Variants in EXOC3L2 observed in about 807,000 individuals in gnomAD.
The protein encoded by EXOC3L2 is exocyst complex component 3-like protein 2.
EXOC3L2 carries 17 observed loss-of-function variants against 44.4 expected under a neutral mutation model. That is an observed-to-expected ratio of 0.38 (90% CI 0.26 to 0.57). EXOC3L2 has a LOEUF of 0.57. Ranked by LOEUF, EXOC3L2 falls within the 20% of genes least tolerant of loss-of-function variation. EXOC3L2 has a pLI of 0.65. For missense variants in EXOC3L2, 541 were observed against 588.4 expected, an observed-to-expected ratio of 0.92 and a Z score of 0.83; for synonymous variants, 256 against 253.7, an observed-to-expected ratio of 1.01 and a Z score of -0.09.
chr19:45,213,442 C>T, intron 11 of EXOC3L2, 85 bp from the exon 12 acceptor site: 1 of 1,524,828 alleles, frequency 6.6e-7, no homozygotes, highest in East Asian at 2.3e-5. Context: ...ACCTGACCCC[C>T]TCACCTATCC....
At chr19:45,219,624 T>C (rs1340308054) in intron 8 of EXOC3L2, among the ~76,000 whole-genome samples, 9 of 152,178 alleles carry the variant, frequency 5.9e-5, no homozygotes, top group African/African-American at 2.2e-4. Context: ...TCTCCACCCT[T>C]GAGTAGATCC....
At position 45,228,084 on chromosome 19, in the gene EXOC3L2, C is replaced by T. The variant is rs370550648; in HGVS notation, c.1372-10G>A. Reference sequence around the variant, plus strand: ...TGTGCTCTTCCAGCAGCTGTGAGGTCCAGGGCGACAAGAAGAGGTGAGGAG... The same window carrying T: ...TGTGCTCTTCCAGCAGCTGTGAGGTTCAGGGCGACAAGAAGAGGTGAGGAG... On this transcript the variant is annotated splice_polypyrimidine_tract_variant and intron_variant, in intron 5 of 11. Coordinates refer to ENST00000413988, the MANE Select transcript of EXOC3L2 (RefSeq NM_001382422.1). 1.2e-6 allele frequency: 2 copies of T among 1,614,064 alleles called. No homozygotes were observed. The highest frequency in any genetic ancestry group is 1.3e-5 in the African/African-American group (1 of 75,018).
chr19:45,235,969 T>C (rs945348400), intron 2 of EXOC3L2, among the ~76,000 whole-genome samples: 1 of 151,274 alleles, frequency 6.6e-6, no homozygotes, highest in African/African-American at 2.4e-5. Flanking sequence ...AAGATGGGGA[T>C]TGGGACACGG....
At chr19:45,225,288 A>ATTT (rs1568481614) in intron 7 of EXOC3L2, among the ~76,000 whole-genome samples, 5 of 143,324 alleles carry the variant, frequency 3.5e-5, no homozygotes, top group African/African-American at 7.7e-5. Flanking sequence ...TTTTTTTTTG[A>ATTT]GACGGAGTCT....
rs768632277 is a variant in EXOC3L2 at position 45,213,082 on chromosome 19, C to T, written c.2396G>A (p.Arg799Gln). Residue 799 changes from arginine to glutamine, a missense_variant, in exon 12 of 12, where the codon CGG becomes CAG. Transcript: ENST00000413988. ...GTTGGGTGACCCTCAGCGCTGGGCC[C>T]GAGGTCGCGCTAGAGACGGAGGCCG... Reference protein sequence around the residue: ...RPRPPSLARPRAQR With the variant: ...RPRPPSLARPQAQR 9.0e-5 allele frequency: 136 copies of T among 1,503,516 alleles called. No individual in the cohort carries two copies. Among genetic ancestry groups the T allele is most frequent in the Admixed American group, 2.0e-4 (8 of 40,098 alleles). The allele number at this position is 1,503,516 out of a possible 1,614,324, so 93.1% of individuals were successfully genotyped here. A position where few individuals can be genotyped will look rare whatever the true frequency, so the allele number is the denominator to read the frequency against.
At chr19:45,236,641 G>A (rs539471344) in intron 2 of EXOC3L2, among the ~76,000 whole-genome samples, 6 of 151,910 alleles carry the variant, frequency 3.9e-5, no homozygotes, top group African/African-American at 1.2e-4. Context: ...AGGAGGTTGC[G>A]TTTGGAGTTG....
At chr19:45,225,888 G>A (rs1255595695) in intron 7 of EXOC3L2, among the ~76,000 whole-genome samples, 1 of 152,142 alleles carries the variant, frequency 6.6e-6, no homozygotes, top group Non-Finnish European at 1.5e-5. Context: ...CTCCCAAAGT[G>A]TGGGATTATA....
intron 9 of EXOC3L2, 36 bp downstream of exon 9, chr19:45,218,161 C>T: frequency 3.7e-6 from 3 of 807,078 alleles, no homozygotes; most frequent in Non-Finnish European, 3.5e-6. Context: ...CCTCTTTTCC[C>T]CCACCCCCAC....
At chr19:45,240,444 G>A (rs968614981) in intron 1 of EXOC3L2, among the ~76,000 whole-genome samples, 6 of 152,014 alleles carry the variant, frequency 3.9e-5, no homozygotes, top group African/African-American at 1.4e-4. Flanking sequence ...AGACAGAAAG[G>A]AGACTGACAA....
At chr19:45,232,782 A>G (rs957332613) in intron 3 of EXOC3L2, among the ~76,000 whole-genome samples, 6 of 152,210 alleles carry the variant, frequency 3.9e-5, no homozygotes, top group African/African-American at 1.4e-4. Context: ...AACAGCACTC[A>G]AGTCCTAAAA....
At chr19:45,213,582 C>T (rs1969802127) in intron 11 of EXOC3L2, among the ~76,000 whole-genome samples, 1 of 152,086 alleles carries the variant, frequency 6.6e-6, no homozygotes, top group Non-Finnish European at 1.5e-5. Flanking sequence ...TCCAAATCCC[C>T]CTTACAACCA....
chr19:45,243,867 A>G (rs761550760), intron 1 of EXOC3L2, among the ~76,000 whole-genome samples: 1 of 151,494 alleles, frequency 6.6e-6, no homozygotes, highest in Non-Finnish European at 1.5e-5. Context: ...TGACCTTGTG[A>G]TCCGCCTGTT....
At chr19:45,216,724 C>T (rs1309715880) in intron 10 of EXOC3L2, 1 of 152,604 alleles carries the variant, frequency 6.6e-6, no homozygotes, top group African/African-American at 2.4e-5. Flanking sequence ...ACCTCTTCCA[C>T]GTCTGCAAAA....
Position 45,231,958 on chromosome 19 carries a change from G to A in EXOC3L2, c.1158-84C>T, listed in dbSNP as rs1314595339. The A allele has an allele frequency of 3.0e-5, 24 of 800,738 alleles. 2 individuals are homozygous for A. The South Asian group carries it at 5.0e-4, about 17-fold the overall frequency. The allele number at this position is 800,738 out of a possible 1,614,324, so 49.6% of individuals were successfully genotyped here. A position where few individuals can be genotyped will look rare whatever the true frequency, so the allele number is the denominator to read the frequency against. ...CCTTCCCCACACCCTCCTACCCACTGTTTCTGTGACCCTGGGCCACTCCCT... is the reference window on the plus strand; with the variant it reads ...CCTTCCCCACACCCTCCTACCCACTATTTCTGTGACCCTGGGCCACTCCCT... On this transcript the variant is annotated intron_variant, in intron 3 of 11. Coordinates refer to ENST00000413988, the MANE Select transcript of EXOC3L2 (RefSeq NM_001382422.1).
chr19:45,227,311 C>T (rs1051333432), intron 7 of EXOC3L2, among the ~76,000 whole-genome samples: 3 of 151,162 alleles, frequency 2.0e-5, no homozygotes, highest in African/African-American at 2.4e-5. Context: ...TTAGTAGAGA[C>T]GGGGTTTCAC....
At chr19:45,222,389 C>T (rs528829457) in intron 8 of EXOC3L2, among the ~76,000 whole-genome samples, 4 of 151,888 alleles carry the variant, frequency 2.6e-5, no homozygotes, top group Admixed American at 6.6e-5. Context: ...TTAGTAGAGA[C>T]GGGGTTTCAC....
rs182074053 is a variant in EXOC3L2, at chr19:45,234,130, A to C, written c.1157+63T>G. ...TCCCAAGGTCCTTAAGGTCTGAAGA[A>C]GCCAGTGCTAGGGGGTAGGGCTGAG... is the stretch of plus-strand genomic sequence containing the variant. On this transcript the variant is annotated intron_variant, in intron 3 of 11. Transcript: ENST00000413988. The surrounding 1 kb of genome is among the most constrained non-coding windows in gnomAD (Gnocchi z 5.0). The C allele has an allele frequency of 9.7e-4, 373 of 383,090 alleles. 1 individual carries two copies. Among genetic ancestry groups the C allele is most frequent in the Non-Finnish European group, 1.4e-3 (303 of 215,820 alleles). The allele number at this position is 383,090 out of a possible 1,614,324, so 23.7% of individuals were successfully genotyped here.
chr19:45,213,277 C>T lies in EXOC3L2; in HGVS notation c.2201G>A (p.Arg734Gln), dbSNP rs1328637962. The T allele has an allele frequency of 5.0e-6, 8 of 1,613,518 alleles. No homozygotes were observed. The highest frequency in any genetic ancestry group is 4.2e-6 in the Non-Finnish European group (5 of 1,179,812). Residue 734 changes from arginine to glutamine, a missense_variant, in exon 12 of 12, where the codon CGG becomes CAG. By Grantham distance (43) the Arg-to-Gln change is conservative. Transcript: ENST00000413988. ...AARQEILAVA[R>Q]DLELSEEGAL... ...TCCCTCCTCAGAGAGTTCCAGGTCC[C>T]GGGCCACGGCCAGGATCTCCTGGCG...
rs757445762 is a variant in EXOC3L2, at chr19:45,224,767, A to G, written c.1719+11T>C. 37 of 1,547,594 alleles carry G rather than the reference A, an allele frequency of 2.4e-5. 1 individual carries two copies. The East Asian group carries it at 4.9e-4, about 21-fold the overall frequency. The stretch of plus-strand genomic sequence containing the variant: ...GCATGGGCCCCAACCCTGGCCTCCC[A>G]CCTCACTCACCTGCAGCTCCTGGAA... On this transcript the variant is annotated intron_variant, in intron 8 of 11. Coordinates refer to ENST00000413988, the MANE Select transcript of EXOC3L2 (RefSeq NM_001382422.1).
Sources: gnomAD v4.1 joint callset for allele counts (sites outside exome capture counted in the v4.1 genomes callset) on GRCh38, gnomAD v4.1.1 for gene constraint, Gnocchi (gnomAD v3.1) non-coding constraint, MANE v1.5 for transcripts, NCBI Gene and HGNC (gene_info 2026-07-23, HGNC 2026-07-21) for gene names.